RLIM: variants seen among roughly 807,000 people sequenced by gnomAD.
RLIM encodes E3 ubiquitin-protein ligase RLIM.
RLIM carries 2 observed loss-of-function variants against 34.0 expected under a neutral mutation model. The observed-to-expected ratio is 0.06, with a 90% CI of 0.02 to 0.19. RLIM has a LOEUF of 0.19. RLIM is among the 10% of genes least tolerant of loss of function. The probability of loss-of-function intolerance (pLI) is 1.00; values close to 1 mark genes in which losing one functional copy is unlikely to be tolerated. For synonymous variants in RLIM, 169 were observed against 164.0 expected (o/e 1.03, Z -0.23); for missense variants, 286 against 479.7 (o/e 0.60, Z 3.77).
At chrX:74,605,049 C>T (rs2079677085) in intron 1 of RLIM, among the ~76,000 whole-genome samples, 1 of 111,164 alleles carries the variant, frequency 9.0e-6, no homozygotes. Context: ...GAGATTTCAG[C>T]ACTGGCAAGG....
At chrX:74,610,668 G>A (rs1473158332) in intron 1 of RLIM, among the ~76,000 whole-genome samples, 2 of 110,019 alleles carry the variant, frequency 1.8e-5, no homozygotes, top group East Asian at 2.9e-4. Flanking sequence ...AAGGTGGGCA[G>A]ATCACAAGGT....
At chrX:74,600,232 T>C (rs1037372499) in intron 1 of RLIM, among the ~76,000 whole-genome samples, 39 of 110,281 alleles carry the variant, frequency 3.5e-4, no homozygotes, top group Admixed American at 3.5e-3. Flanking sequence ...ACTTGAAACT[T>C]TGACACTAGA....
At chrX:74,600,210 T>C (rs1381632701) in intron 1 of RLIM, among the ~76,000 whole-genome samples, 2 of 110,510 alleles carry the variant, frequency 1.8e-5, no homozygotes, top group Admixed American at 9.8e-5. Flanking sequence ...TGACAAATGG[T>C]TACTTTATAA....
intron 1 of RLIM, among the ~76,000 whole-genome samples, chrX:74,609,877 A>C (rs1352031811): frequency 8.9e-6 from 1 of 111,893 alleles, no homozygotes; most frequent in Non-Finnish European, 1.9e-5. Flanking sequence ...ATCAGAAGGG[A>C]CCTTTTGTCA....
At position 74,591,805 on chromosome X, in the gene RLIM, C is replaced by G. The variant is rs775163098; in HGVS notation, c.1510G>C (p.Gly504Arg). ...CCCTCTCGCCTGGCACCTGATGAGCCTGATGATGAGCTTCCTTCATTACTG... is the reference window on the plus strand; with the variant it reads ...CCCTCTCGCCTGGCACCTGATGAGCGTGATGATGAGCTTCCTTCATTACTG... ...EGSNEGSSSS[G>R]SSGARREGRH... The change falls in exon 4 of 4, where the codon GGC becomes CGC. Residue 504 changes from glycine to arginine, a missense_variant. Gly to Arg is a moderately radical substitution (Grantham distance 125). This residue lies in a region of RLIM where 69 missense variants were observed against 83.5 expected (regional missense o/e 0.83). Transcript: ENST00000332687. The G allele has an allele frequency of 8.3e-7, 1 of 1,211,575 alleles. No homozygotes were observed. The highest frequency in any genetic ancestry group is 1.1e-6 in the Non-Finnish European group (1 of 895,464).
chrX:74,607,462 C>T (rs887011470), intron 1 of RLIM, among the ~76,000 whole-genome samples: 6 of 113,201 alleles, frequency 5.3e-5, no homozygotes, highest in African/African-American at 1.9e-4. Context: ...GTAATCCCAA[C>T]ACTTCGGGAG....
At chrX:74,600,831 G>A (rs1289124226) in intron 1 of RLIM, among the ~76,000 whole-genome samples, 1 of 100,914 alleles carries the variant, frequency 9.9e-6, no homozygotes, top group East Asian at 3.1e-4. Context: ...GGTCAACATG[G>A]TGAAACCCCA....
At chrX:74,594,427 G>C (rs1488922202) in intron 2 of RLIM, 38 bp from the exon 3 acceptor site, 2 of 924,587 alleles carry the variant, frequency 2.2e-6, no homozygotes, top group Non-Finnish European at 1.5e-6. Context: ...TGACATTAGG[G>C]GTATGACAAT....
In RLIM at chrX:74,592,732, A is replaced by G. The variant is rs1293891966; in HGVS notation, c.583T>C (p.Ser195Pro). Residue 195 changes from serine (S) to proline (P), a missense_variant, in exon 4 of 4, where the codon TCA (serine) becomes CCA (proline). By Grantham distance (74) the Ser-to-Pro change is moderately conservative (BLOSUM62 -1). Coordinates refer to ENST00000332687, the MANE Select transcript of RLIM (RefSeq NM_016120.4). ...GGGACCTCTGTTAACGCTTCAGTTGAATTTCGTTCTGATCTAGATGGCCTT... is the reference window on the plus strand; with the variant it reads ...GGGACCTCTGTTAACGCTTCAGTTGGATTTCGTTCTGATCTAGATGGCCTT... The part of the protein sequence containing the change: ...SARPSRSERN[S>P]TEALTEVPPT... 1 of 1,211,521 alleles carries G rather than the reference A, an allele frequency of 8.3e-7. No homozygotes were observed. Among genetic ancestry groups the G allele is most frequent in the African/African-American group, 1.7e-5 (1 of 57,666 alleles).
At chrX:74,610,981 G>A (rs2079708351) in intron 1 of RLIM, among the ~76,000 whole-genome samples, 1 of 111,539 alleles carries the variant, frequency 9.0e-6, no homozygotes, top group East Asian at 2.8e-4. Flanking sequence ...AAACTTTCAT[G>A]TTTGAGGCTG....
rs371717570 is a variant in RLIM, at chrX:74,592,596, C to T, written c.719G>A (p.Arg240Gln). ...AGATGAGATACTATGATGAGATCTT[C>T]GTGGAATTTCACTCATTGGATGCAG... is the stretch of plus-strand genomic sequence containing the variant. ...SPLHPMSEIP[R>Q]RSHHSISSQT... The change falls in exon 4 of 4, where the codon CGA (arginine) becomes CAA (glutamine). Residue 240 changes from arginine (R) to glutamine (Q), a missense_variant. Coordinates refer to ENST00000332687, the MANE Select transcript of RLIM (RefSeq NM_016120.4). 1.7e-5 allele frequency: 20 copies of T among 1,210,109 alleles called. No individual in the cohort carries two copies. Among genetic ancestry groups the T allele is most frequent in the East Asian group, 3.0e-5 (1 of 33,780 alleles).
At position 74,585,269 on chromosome X, in the gene RLIM, T is replaced by G. The variant is rs1470840226; in HGVS notation, c.*6171A>C. On this transcript the variant is annotated 3_prime_UTR_variant, in exon 4 of 4. Transcript: ENST00000332687. ...ATCTTTTATTTTACCACTCAACGAT[T>G]AAGCCATTCAACTACACAACACAGA... is the stretch of plus-strand genomic sequence containing the variant. 8.9e-6 allele frequency: 1 copy of G among 112,248 alleles called. No individual in the cohort carries two copies. The highest frequency in any genetic ancestry group is 1.9e-5 in the Non-Finnish European group (1 of 53,317). The allele number at this position is 112,248 out of a possible 1,213,427, so 9.3% of individuals were successfully genotyped here.
chrX:74,590,829 A>T lies in RLIM; in HGVS notation c.*611T>A, dbSNP rs2079609576. The T allele has an allele frequency of 8.9e-6, 1 of 112,828 alleles. No homozygotes were observed. The highest frequency in any genetic ancestry group is 1.9e-5 in the Non-Finnish European group (1 of 53,350). 9.3% of individuals were successfully genotyped at this position (112,828 alleles called of 1,213,427 possible). The stretch of plus-strand genomic sequence containing the variant: ...AATATTTCCACAAGATAAATATCTC[A>T]ATTAAACTATAAGCTCACTCTACAG... On this transcript the variant is annotated 3_prime_UTR_variant, in exon 4 of 4. Coordinates refer to ENST00000332687, the MANE Select transcript of RLIM (RefSeq NM_016120.4).
In RLIM at chrX:74,591,668, G is replaced by A. The variant is rs1452158140; in HGVS notation, c.1647C>T (p.Thr549=). 1 of 1,209,712 alleles carries A rather than the reference G, an allele frequency of 8.3e-7. No individual in the cohort carries two copies. The highest frequency in any genetic ancestry group is 2.2e-5 in the Admixed American group (1 of 45,690). The change falls in exon 4 of 4, where the codon ACC becomes ACT. Residue 549 remains threonine, a synonymous_variant. Transcript: ENST00000332687. Reference sequence around the variant, plus strand: ...TTGCCAAGTTGTCAATCTGTTCTTTGGTGAGTCCTCTAGGTTGGTCATCAT... The same window carrying A: ...TTGCCAAGTTGTCAATCTGTTCTTTAGTGAGTCCTCTAGGTTGGTCATCAT... ...EDDDDQPRGL[T]KEQIDNLAMR... is the part of the protein sequence containing the mutation.
rs1361493147 is a variant in RLIM, at chrX:74,590,022, G to GTC, written c.*1416_*1417dup. 8.9e-6 allele frequency: 1 copy of GTC among 111,738 alleles called. No homozygotes were observed. Among genetic ancestry groups the GTC allele is most frequent in the Non-Finnish European group, 1.9e-5 (1 of 53,132 alleles). The allele number at this position is 111,738 out of a possible 1,213,427, so 9.2% of individuals were successfully genotyped here. A position where few individuals can be genotyped will look rare whatever the true frequency, so the allele number is the denominator to read the frequency against. ...ATAAAAATCCCTTAATCTTCAACTG[G>GTC]TCTTTAAATTTGAGATGTTAGGACT... On this transcript the variant is annotated 3_prime_UTR_variant, in exon 4 of 4. Coordinates refer to ENST00000332687, the MANE Select transcript of RLIM (RefSeq NM_016120.4).
chrX:74,600,359 A>T (rs1295992775), intron 1 of RLIM, among the ~76,000 whole-genome samples: 1 of 111,541 alleles, frequency 9.0e-6, no homozygotes, highest in Non-Finnish European at 1.9e-5. Context: ...AATCTCAAGT[A>T]ATACAACTTG....
chrX:74,603,042 A>C (rs1429823875), intron 1 of RLIM, among the ~76,000 whole-genome samples: 2 of 109,780 alleles, frequency 1.8e-5, no homozygotes, highest in African/African-American at 6.6e-5. Context: ...GTCTCCTGAG[A>C]TAATCAAGCA....
chrX:74,613,202 T>C (rs763479253), intron 1 of RLIM, among the ~76,000 whole-genome samples: 31 of 111,220 alleles, frequency 2.8e-4, no homozygotes. Flanking sequence ...ACTCTGTCTA[T>C]AATCACGAAG....
chrX:74,609,441 T>C (rs1037521878), intron 1 of RLIM, among the ~76,000 whole-genome samples: 8 of 85,930 alleles, frequency 9.3e-5, no homozygotes, highest in Non-Finnish European at 1.5e-4. Context: ...TGAGCCGAGA[T>C]CGCGCCACTG....
Sources: allele counts gnomAD v4.1 joint callset (sites outside exome capture counted in the v4.1 genomes callset), GRCh38; gene constraint gnomAD v4.1.1; regional missense constraint gnomAD v4.1.1; transcripts MANE v1.5; gene names NCBI Gene and HGNC (gene_info 2026-07-23, HGNC 2026-07-21).